Variants in ASCC3 observed in about 807,000 individuals in gnomAD.
The protein encoded by ASCC3 is ASC-1 complex subunit P200.
Under a neutral mutation model 256.3 loss-of-function variants are expected in ASCC3, and 158 were observed. The ratio of observed to expected loss-of-function variants is 0.62; its 90% confidence interval spans 0.54 to 0.70. The LOEUF is 0.70. Among genes scored for constraint, ASCC3 ranks in the 30% least tolerant of loss-of-function variants. ASCC3 has a pLI of 0.00. For missense variants in ASCC3, 2,259 were observed against 2,626.0 expected (o/e 0.86, Z 3.05); for synonymous variants, 948 against 883.4 (o/e 1.07, Z -1.30).
At chr6:100,605,057 C>A (rs752411384) in intron 33 of ASCC3, among the ~76,000 whole-genome samples, 2 of 152,156 alleles carry the variant, frequency 1.3e-5, no homozygotes, top group Admixed American at 1.3e-4. Flanking sequence ...CAGCCTAAAT[C>A]ATTAATTACA....
chr6:100,553,620 G>A (rs1769414382), intron 36 of ASCC3, among the ~76,000 whole-genome samples: 1 of 152,096 alleles, frequency 6.6e-6, no homozygotes, highest in East Asian at 1.9e-4. Flanking sequence ...ATCTTCCCCT[G>A]CAAATGTTAA....
At chr6:100,588,452 G>C (rs1771819414) in intron 36 of ASCC3, among the ~76,000 whole-genome samples, 3 of 152,150 alleles carry the variant, frequency 2.0e-5, no homozygotes, top group South Asian at 4.2e-4. Flanking sequence ...TCTTTGGCTA[G>C]GAGCTGATAT....
chr6:100,527,923 T>G (rs1455775545), intron 37 of ASCC3, among the ~76,000 whole-genome samples: 1 of 151,758 alleles, frequency 6.6e-6, no homozygotes, highest in Non-Finnish European at 1.5e-5. Flanking sequence ...CACCACAGCC[T>G]CAAACTCCTG....
rs376558607 is a variant in ASCC3, at chr6:100,644,134, A to G, written c.3634-5T>C. 1 of 1,592,344 alleles carries G rather than the reference A, an allele frequency of 6.3e-7. No individual in the cohort carries two copies. Reference sequence around the variant, plus strand: ...TTCTCCTACTGTCCCATGTACCTAGAAGAAAAATAGCATCCTGCTACTATG... The same window carrying G: ...TTCTCCTACTGTCCCATGTACCTAGGAGAAAAATAGCATCCTGCTACTATG... On this transcript the variant is annotated splice_polypyrimidine_tract_variant and splice_region_variant and intron_variant, in intron 22 of 41. Coordinates refer to ENST00000369162, the MANE Select transcript of ASCC3 (RefSeq NM_006828.4).
intron 3 of ASCC3, among the ~76,000 whole-genome samples, chr6:100,860,332 T>C (rs1773160916): frequency 6.6e-6 from 1 of 151,982 alleles, no homozygotes; most frequent in South Asian, 2.1e-4. Context: ...ATAATTTATA[T>C]ATTTTCTCCA....
intron 4 of ASCC3, among the ~76,000 whole-genome samples, chr6:100,828,338 G>C (rs1365905008): frequency 1.3e-5 from 2 of 152,172 alleles, no homozygotes; most frequent in Non-Finnish European, 2.9e-5. Context: ...AAAGTACAAG[G>C]TATCTATTGT....
intron 4 of ASCC3, among the ~76,000 whole-genome samples, chr6:100,837,583 C>T (rs547540817): frequency 6.6e-5 from 10 of 152,096 alleles, no homozygotes; most frequent in Non-Finnish European, 1.5e-4. Flanking sequence ...CTTGCAACAA[C>T]ATGGATGAAC....
intron 13 of ASCC3, among the ~76,000 whole-genome samples, chr6:100,692,525 C>A (rs1385971989): frequency 6.6e-6 from 1 of 152,006 alleles, no homozygotes; most frequent in Non-Finnish European, 1.5e-5. Context: ...AACTACAGAT[C>A]TTTCACCCAC....
chr6:100,877,191 T>C (rs1396034176), intron 1 of ASCC3, among the ~76,000 whole-genome samples: 1 of 152,162 alleles, frequency 6.6e-6, no homozygotes, highest in East Asian at 1.9e-4. Flanking sequence ...CTAATAAGTT[T>C]AAAGTCAGCA....
intron 39 of ASCC3, 61 bp from the exon 40 acceptor site, chr6:100,512,979 T>G: frequency 6.9e-7 from 1 of 1,444,542 alleles, no homozygotes; most frequent in East Asian, 2.3e-5. Context: ...AATGATCAAT[T>G]AAGAAATAGT....
chr6:100,728,250 TAAAG>T (rs372707872), intron 10 of ASCC3, among the ~76,000 whole-genome samples: 28 of 151,994 alleles, frequency 1.8e-4, no homozygotes, highest in African/African-American at 5.1e-4. Flanking sequence ...GGGGGAATGA[TAAAG>T]AGAGAGTGAG....
chr6:100,712,964 T>A (rs1198030831), intron 13 of ASCC3, among the ~76,000 whole-genome samples: 1 of 151,964 alleles, frequency 6.6e-6, no homozygotes, highest in Non-Finnish European at 1.5e-5. Flanking sequence ...TTCACCGTGT[T>A]AGCCAGGATG....
At chr6:100,841,340 ATTTT>A (rs1254943016) in intron 4 of ASCC3, among the ~76,000 whole-genome samples, 2 of 152,054 alleles carry the variant, frequency 1.3e-5, no homozygotes, top group Non-Finnish European at 2.9e-5. Context: ...CTTGAGAAAT[ATTTT>A]TTTAAAAAAT....
Position 100,662,432 on chromosome 6 carries a change from C to G in ASCC3, c.2391G>C (p.Leu797Phe), listed in dbSNP as rs1425638971. The G allele has an allele frequency of 6.2e-7, 1 of 1,613,312 alleles. No individual in the cohort carries two copies. Among genetic ancestry groups the G allele is most frequent in the East Asian group, 2.2e-5 (1 of 44,832 alleles). Residue 797 changes from leucine (L) to phenylalanine (F), a missense_variant, in exon 15 of 42, where the codon TTG becomes TTC. Physicochemically the swap from Leu to Phe is conservative, Grantham distance 22. Transcript: ENST00000369162. ...LRQDRNLVEN[L>F]FSNGHIKVLV... ...GGACTTTGATATGCCCATTAGAAAA[C>G]AAGTTTTCAACTAAATTTCTGTCCT...
At chr6:100,631,295 G>C in intron 25 of ASCC3, 82 bp from the exon 26 acceptor site, 1 of 1,062,366 alleles carries the variant, frequency 9.4e-7, no homozygotes, top group Non-Finnish European at 1.4e-6. Context: ...CAAAAAATTT[G>C]TCAAAATATG....
At chr6:100,866,870 T>C (rs571237408) in intron 2 of ASCC3, among the ~76,000 whole-genome samples, 4 of 152,334 alleles carry the variant, frequency 2.6e-5, no homozygotes, top group South Asian at 4.1e-4. Context: ...TGCAAACTAA[T>C]ATACCACATT....
At chr6:100,585,081 T>G (rs1771572917) in intron 36 of ASCC3, among the ~76,000 whole-genome samples, 1 of 152,048 alleles carries the variant, frequency 6.6e-6, no homozygotes, top group Non-Finnish European at 1.5e-5. Context: ...TCTCGAGGAG[T>G]ATCTTTGTGG....
intron 36 of ASCC3, among the ~76,000 whole-genome samples, chr6:100,589,073 T>A (rs570375273): frequency 1.0e-3 from 155 of 152,272 alleles, no homozygotes; most frequent in Non-Finnish European, 7.2e-4. Context: ...ATGCTTCTAA[T>A]ATTAATTTCT....
intron 7 of ASCC3, among the ~76,000 whole-genome samples, chr6:100,799,063 G>A (rs112062980): frequency 6.6e-6 from 1 of 151,852 alleles, no homozygotes; most frequent in Non-Finnish European, 1.5e-5. Context: ...TAACACACAG[G>A]CCACAGTATG....
Sources: allele counts gnomAD v4.1 joint callset (sites outside exome capture counted in the v4.1 genomes callset), GRCh38; gene constraint gnomAD v4.1.1; transcripts MANE v1.5; gene names NCBI Gene and HGNC (gene_info 2026-07-23, HGNC 2026-07-21).